Variants in MACF1 observed in about 807,000 individuals in gnomAD.
MACF1 encodes the protein microtubule-actin cross-linking factor 1.
MACF1 carries 193 observed loss-of-function variants against 854.8 expected under a neutral mutation model. The observed-to-expected ratio is 0.23, with a 90% confidence interval of 0.20 to 0.25. MACF1 has a LOEUF of 0.25. Ranked by LOEUF, MACF1 falls within the 10% of genes least tolerant of loss-of-function variation. MACF1 has a pLI of 1.00. For missense variants in MACF1, 7,722 were observed against 8,929.1 expected, an observed-to-expected ratio of 0.86 and a Z score of 5.45; for synonymous variants, 3,185 against 3,226.7, an observed-to-expected ratio of 0.99 and a Z score of 0.44.
chr1:39,233,547 A>G (rs894970369), intron 2 of MACF1, among the ~76,000 whole-genome samples: 1 of 152,106 alleles, frequency 6.6e-6, no homozygotes, highest in Admixed American at 6.5e-5. Flanking sequence ...CCATGGGCCA[A>G]TTGTCCATCT....
rs1162866815 is a variant in MACF1, at chr1:39,388,070, G to A, written c.15228G>A (p.Leu5076=). 1 of 1,613,986 alleles carries A rather than the reference G, an allele frequency of 6.2e-7. No individual in the cohort carries two copies. The highest frequency in any genetic ancestry group is 8.5e-7 in the Non-Finnish European group (1 of 1,180,034). The change falls in exon 58 of 101, where the codon CTG becomes CTA. Residue 5076 remains leucine (L), a synonymous_variant. Coordinates refer to ENST00000564288, the MANE Select transcript of MACF1 (RefSeq NM_001394062.1). Reference sequence around the variant, plus strand: ...ATCTGAGGAACTTTACTCAGGGTCTGGTAGAAGATGCCCCAGATGGATCTG... The same window carrying A: ...ATCTGAGGAACTTTACTCAGGGTCTAGTAGAAGATGCCCCAGATGGATCTG... ...VDYLRNFTQG[L]VEDAPDGSDA...
At chr1:39,327,442 G>A in intron 36 of MACF1, 89 bp downstream of exon 36, 1 of 1,358,138 alleles carries the variant, frequency 7.4e-7, no homozygotes, top group Non-Finnish European at 1.0e-6. Context: ...ATGATCACTA[G>A]CTTTCCATGA....
At position 39,324,266 on chromosome 1, in the gene MACF1, C is replaced by T. The variant is rs1307459502; in HGVS notation, c.4310C>T (p.Ala1437Val). 20 of 1,613,568 alleles carry T rather than the reference C, an allele frequency of 1.2e-5. No individual in the cohort carries two copies. Among genetic ancestry groups the T allele is most frequent in the East Asian group, 2.2e-5 (1 of 44,830 alleles). ...KELLGWVSTLARNTQGKATSS... is the reference protein window; with the variant it reads ...KELLGWVSTLVRNTQGKATSS... The stretch of plus-strand genomic sequence containing the variant: ...CTTTTGGGCTGGGTGTCTACCCTAG[C>T]GAGGAATACACAAGGAAAAGCTACC... The change falls in exon 34 of 101, where the codon GCG (alanine) becomes GTG (valine). Residue 1437 changes from alanine (A) to valine (V), a missense_variant. By Grantham distance (64) the Ala-to-Val change is moderately conservative (BLOSUM62 0). Transcript: ENST00000564288.
In MACF1 at chr1:39,334,170, G is replaced by C. The variant is rs747166385; in HGVS notation, c.7582G>C (p.Gly2528Arg). The C allele has an allele frequency of 2.5e-6, 4 of 1,613,980 alleles. No individual in the cohort carries two copies. In the South Asian group the frequency reaches 4.4e-5, roughly 18 times the overall value. Residue 2528 changes from glycine (G) to arginine (R), a missense_variant, in exon 37 of 101, where the codon GGT becomes CGT. Gly to Arg is a moderately radical substitution (Grantham distance 125). This residue lies in a region of MACF1 where 1,531 missense variants were observed against 1,601.6 expected (regional missense o/e 0.96). Transcript: ENST00000564288. ...TAATGCCTTCAGACATGGCTTAATT[G>C]GTGAAGATTTAGCCGAGAAACTCAA... Reference protein sequence around the residue: ...VDNAFRHGLIGEDLAEKLKRV... With the variant: ...VDNAFRHGLIREDLAEKLKRV...
intron 2 of MACF1, among the ~76,000 whole-genome samples, chr1:39,173,338 CAAAAA>C (rs10636583): frequency 9.9e-6 from 1 of 100,994 alleles, no homozygotes; most frequent in South Asian, 4.0e-4. Flanking sequence ...GACTCCATCT[CAAAAA>C]AAAAAAAAAA....
In MACF1 at chr1:39,430,195, A is replaced by G. The variant is rs1272012217; in HGVS notation, c.17130+127A>G. 7.8e-6 allele frequency: 8 copies of G among 1,027,914 alleles called. No homozygotes were observed. In the Admixed American group the frequency reaches 1.1e-4, roughly 15 times the overall value. The allele number at this position is 1,027,914 out of a possible 1,614,324, so 63.7% of individuals were successfully genotyped here. A position where few individuals can be genotyped will look rare whatever the true frequency, so the allele number is the denominator to read the frequency against. The stretch of plus-strand genomic sequence containing the variant: ...CCCCCTTTCTTGTTTACTCATGGAC[A>G]GTAAGATTTGACATAAAGACATATA... On this transcript the variant is annotated intron_variant, in intron 65 of 100. Transcript: ENST00000564288.
At position 39,428,093 on chromosome 1, in the gene MACF1, C is replaced by G. The variant is rs1475870804; in HGVS notation, c.16609C>G (p.Arg5537Gly). 6.2e-7 allele frequency: 1 copy of G among 1,614,036 alleles called. No homozygotes were observed. Among genetic ancestry groups the G allele is most frequent in the African/African-American group, 1.3e-5 (1 of 74,916 alleles). Residue 5537 changes from arginine to glycine, a missense_variant, in exon 63 of 101, where the codon CGA (arginine) becomes GGA (glycine). This residue lies in a region of MACF1 where 2,807 missense variants were observed against 3,235.8 expected (regional missense o/e 0.87). Transcript: ENST00000564288. ...AGAAAAGATAGACTCATTGCAGGCCCGATACAGTGAAATTCAAGACCGCTG... is the reference window on the plus strand; with the variant it reads ...AGAAAAGATAGACTCATTGCAGGCCGGATACAGTGAAATTCAAGACCGCTG... ...LSEKIDSLQA[R>G]YSEIQDRCCR...
chr1:39,417,173 T>C (rs779003069), intron 58 of MACF1, among the ~76,000 whole-genome samples: 1 of 152,206 alleles, frequency 6.6e-6, no homozygotes, highest in Non-Finnish European at 1.5e-5. Context: ...TTAAAATAGA[T>C]ATAAACTTTG....
At chr1:39,134,908 A>G (rs114062329) in intron 2 of MACF1, among the ~76,000 whole-genome samples, 1 of 152,188 alleles carries the variant, frequency 6.6e-6, no homozygotes, top group Non-Finnish European at 1.5e-5. Flanking sequence ...TCATCTTCTC[A>G]AACTAAAATT....
intron 2 of MACF1, among the ~76,000 whole-genome samples, chr1:39,197,815 G>A (rs1644339005): frequency 6.6e-6 from 1 of 152,318 alleles, no homozygotes; most frequent in Non-Finnish European, 1.5e-5. Context: ...GAGCCTAGGA[G>A]TTCAAGGCTG....
chr1:39,130,891 G>A (rs1275708002), intron 2 of MACF1, among the ~76,000 whole-genome samples: 1 of 151,482 alleles, frequency 6.6e-6, no homozygotes, highest in Admixed American at 6.6e-5. Flanking sequence ...CCCAAGGCTG[G>A]AGTGCAATGG....
intron 27 of MACF1, 106 bp from the exon 28 acceptor site, chr1:39,316,285 G>T: frequency 1.1e-6 from 1 of 870,260 alleles, no homozygotes; most frequent in Non-Finnish European, 1.6e-6. Context: ...TGGTGACATT[G>T]ATTTTGGTTA....
At chr1:39,118,758 C>T (rs1267652599) in intron 2 of MACF1, among the ~76,000 whole-genome samples, 1 of 151,836 alleles carries the variant, frequency 6.6e-6, no homozygotes, top group African/African-American at 2.4e-5. Context: ...GGTTTGGGGG[C>T]AGTATTAAGG....
chr1:39,422,293 C>T, intron 58 of MACF1, 81 bp from the exon 59 acceptor site: 6 of 1,096,920 alleles, frequency 5.5e-6, no homozygotes, highest in East Asian at 2.5e-5. Flanking sequence ...TCATAAATGC[C>T]CCAAGAATAA....
At chr1:39,168,526 G>A (rs1490446518) in intron 2 of MACF1, among the ~76,000 whole-genome samples, 3 of 152,032 alleles carry the variant, frequency 2.0e-5, no homozygotes, top group Admixed American at 6.6e-5. Flanking sequence ...GAACGGTCTC[G>A]CTATATTGCC....
intron 87 of MACF1, 92 bp from the exon 88 acceptor site, chr1:39,453,615 A>G: frequency 8.7e-7 from 1 of 1,145,854 alleles, no homozygotes; most frequent in Non-Finnish European, 1.3e-6. Context: ...GAGGAAAAAG[A>G]AAACATTGAA....
Position 39,292,104 on chromosome 1 carries a change from C to A in MACF1, c.1914+66C>A, listed in dbSNP as rs760339166. The A allele has an allele frequency of 6.4e-6, 10 of 1,554,508 alleles. No individual in the cohort carries two copies. In the South Asian group the frequency reaches 1.2e-4, roughly 18 times the overall value. On this transcript the variant is annotated intron_variant, in intron 16 of 100. Coordinates refer to ENST00000564288, the MANE Select transcript of MACF1 (RefSeq NM_001394062.1). ...TTGGAACGGATGAAAGGACAGTACACACAATAAAGCTGTATTGAAGGAGGA... is the reference window on the plus strand; with the variant it reads ...TTGGAACGGATGAAAGGACAGTACAAACAATAAAGCTGTATTGAAGGAGGA...
intron 92 of MACF1, 35 bp from the exon 93 acceptor site, chr1:39,461,848 T>G: frequency 8.0e-7 from 1 of 1,257,428 alleles, no homozygotes; most frequent in Non-Finnish European, 1.1e-6. Context: ...CAAGTACCCC[T>G]CTTAATGTTT....
chr1:39,410,965 C>T (rs1642971078), intron 58 of MACF1: 1 of 1,613,842 alleles, frequency 6.2e-7, no homozygotes, highest in African/African-American at 1.3e-5. Context: ...TGAATTCCAG[C>T]CTGTAGAATC....
Sources: gnomAD v4.1 joint callset for allele counts (sites outside exome capture counted in the v4.1 genomes callset) on GRCh38, gnomAD v4.1.1 for gene constraint, gnomAD v4.1.1 regional missense constraint, MANE v1.5 for transcripts, NCBI Gene and HGNC (gene_info 2026-07-23, HGNC 2026-07-21) for gene names.